The following UBXN4 variants were observed in gnomAD, a reference collection of about 807,000 sequenced individuals.
The protein encoded by UBXN4 is UBX domain protein 4.
UBXN4 carries 35 observed loss-of-function variants against 66.2 expected under a neutral mutation model. That is an observed-to-expected ratio of 0.53 (90% confidence interval 0.40 to 0.70). UBXN4 has a LOEUF of 0.70. Among genes scored for constraint, UBXN4 ranks in the 30% least tolerant of loss-of-function variants. The pLI is 0.00. For synonymous variants in UBXN4, 203 were observed against 204.5 expected (o/e 0.99, Z 0.06); for missense variants, 533 against 599.8 (o/e 0.89, Z 1.16).
At chr2:135,777,659 G>A (rs558682123) in intron 10 of UBXN4, among the ~76,000 whole-genome samples, 19 of 152,148 alleles carry the variant, frequency 1.2e-4, no homozygotes, top group African/African-American at 4.1e-4. Context: ...GGCCGAGGTG[G>A]GTGGATCACA....
At chr2:135,782,454 G>T (rs1393654189) in intron 12 of UBXN4, among the ~76,000 whole-genome samples, 1 of 152,182 alleles carries the variant, frequency 6.6e-6, no homozygotes, top group African/African-American at 2.4e-5. Context: ...AGATTAGTTG[G>T]CAAATGGTCA....
intron 2 of UBXN4, among the ~76,000 whole-genome samples, chr2:135,751,022 ATTT>A (rs34978778): frequency 8.0e-6 from 1 of 125,770 alleles, no homozygotes. Context: ...TGCCCGGCTA[ATTT>A]TTTTTTTTTT....
chr2:135,776,105 C>T lies in UBXN4; in HGVS notation c.951-144C>T, dbSNP rs554818601. On this transcript the variant is annotated intron_variant, in intron 9 of 12. Coordinates refer to ENST00000272638, the MANE Select transcript of UBXN4 (RefSeq NM_014607.4). ...ATTTTTTATATGAATCTCAGTAAAG[C>T]AGTTATTAACAAACAAAAAGATCTG... 2.6e-4 allele frequency: 158 copies of T among 612,466 alleles called. 1 individual carries two copies. In the South Asian group the frequency reaches 3.3e-3, roughly 13 times the overall value. The allele number at this position is 612,466 out of a possible 1,614,324, so 37.9% of individuals were successfully genotyped here. A position where few individuals can be genotyped will look rare whatever the true frequency, so the allele number is the denominator to read the frequency against.
intron 6 of UBXN4, among the ~76,000 whole-genome samples, chr2:135,765,176 G>C (rs2077339417): frequency 1.3e-5 from 2 of 151,656 alleles, no homozygotes; most frequent in South Asian, 2.1e-4. Context: ...CGAATCTTTA[G>C]TTAAAATGCA....
At chr2:135,743,602 CT>C (rs1187203258) in intron 1 of UBXN4, among the ~76,000 whole-genome samples, 1 of 152,024 alleles carries the variant, frequency 6.6e-6, no homozygotes. Context: ...AAAAAACTGG[CT>C]TTTTTGTTTC....
Position 135,770,645 on chromosome 2 carries a change from A to C in UBXN4, c.732A>C (p.Glu244Asp), listed in dbSNP as rs369013309. 17 of 1,574,742 alleles carry C rather than the reference A, an allele frequency of 1.1e-5. No homozygotes were observed. The highest frequency in any genetic ancestry group is 2.8e-5 in the African/African-American group (2 of 72,606). The change falls in exon 8 of 13, where the codon GAA becomes GAC. Residue 244 changes from glutamate (E) to aspartate (D), a missense_variant. This residue lies in a region of UBXN4 where 529 missense variants were observed against 580.1 expected (regional missense o/e 0.91). Coordinates refer to ENST00000272638, the MANE Select transcript of UBXN4 (RefSeq NM_014607.4). ...EMLDYKRKQE[E>D]ELTKRMLEER... ...TGGATTATAAAAGAAAACAAGAAGA[A>C]GAATTAACAAAAAGAATGCTGGAGG...
At chr2:135,748,929 G>C (rs975078988) in intron 2 of UBXN4, among the ~76,000 whole-genome samples, 3 of 151,910 alleles carry the variant, frequency 2.0e-5, no homozygotes, top group African/African-American at 4.8e-5. Flanking sequence ...CCAGCTACTC[G>C]GGGGGCTGAG....
Position 135,783,768 on chromosome 2 carries a change from C to T in UBXN4, c.*881C>T, listed in dbSNP as rs1318436832. The T allele has an allele frequency of 2.0e-5, 3 of 152,136 alleles. No homozygotes were observed. The highest frequency in any genetic ancestry group is 4.4e-5 in the Non-Finnish European group (3 of 68,030). 9.4% of individuals were successfully genotyped at this position (152,136 alleles called of 1,614,324 possible). ...AATAATTACACAAGGACCTAGAGTA[C>T]CTATAGGACAAAAAGTATAGAATAA... On this transcript the variant is annotated 3_prime_UTR_variant, in exon 13 of 13. Coordinates refer to ENST00000272638, the MANE Select transcript of UBXN4 (RefSeq NM_014607.4).
At chr2:135,755,712 T>C in intron 5 of UBXN4, 21 bp downstream of exon 5, 2 of 1,438,442 alleles carry the variant, frequency 1.4e-6, no homozygotes, top group Non-Finnish European at 9.2e-7. Flanking sequence ...ATGTACCTTT[T>C]TGAGTGCAAT....
rs2077474353 is a variant in UBXN4 at position 135,784,916 on chromosome 2, T to G, written c.*2029T>G. 1 of 152,616 alleles carries G rather than the reference T, an allele frequency of 6.6e-6. No individual in the cohort carries two copies. Among genetic ancestry groups the G allele is most frequent in the South Asian group, 2.1e-4 (1 of 4,836 alleles). 9.5% of individuals were successfully genotyped at this position (152,616 alleles called of 1,614,324 possible). A position where few individuals can be genotyped will look rare whatever the true frequency, so the allele number is the denominator to read the frequency against. ...GTATATAAGGCTGTAAAATGAGAAT[T>G]CTGCCCCCTCACCTCTTACCCCAGT... On this transcript the variant is annotated 3_prime_UTR_variant, in exon 13 of 13. Transcript: ENST00000272638.
chr2:135,742,127 G>A lies in UBXN4; in HGVS notation c.82+116G>A, dbSNP rs1228404632. ...CCGAGACGCGGGCTCCTGTCGGCTCGCACAATTGCCACTACTACCCCGCGC... is the reference window on the plus strand; with the variant it reads ...CCGAGACGCGGGCTCCTGTCGGCTCACACAATTGCCACTACTACCCCGCGC... On this transcript the variant is annotated intron_variant, in intron 1 of 12. Transcript: ENST00000272638. 12 of 1,251,886 alleles carry A rather than the reference G, an allele frequency of 9.6e-6. No individual in the cohort carries two copies. The East Asian group carries it at 2.4e-4, about 25-fold the overall frequency. 77.5% of individuals were successfully genotyped at this position (1,251,886 alleles called of 1,614,324 possible). A position where few individuals can be genotyped will look rare whatever the true frequency, so the allele number is the denominator to read the frequency against.
At chr2:135,764,397 A>AGAGAAT (rs1466138080) in intron 6 of UBXN4, among the ~76,000 whole-genome samples, 24 of 152,208 alleles carry the variant, frequency 1.6e-4, no homozygotes, top group Non-Finnish European at 3.4e-4. Context: ...TAGTCCTTCA[A>AGAGAAT]TCTTGAGCTG....
chr2:135,742,102 C>A, intron 1 of UBXN4, 91 bp downstream of exon 1: 1 of 1,441,526 alleles, frequency 6.9e-7, no homozygotes. Context: ...CCCGCCCTCC[C>A]CGAGACGCGG....
At position 135,769,833 on chromosome 2, in the gene UBXN4, A is replaced by G; in HGVS notation, c.657+10A>G. The G allele has an allele frequency of 1.3e-6, 2 of 1,596,108 alleles. No homozygotes were observed. The highest frequency in any genetic ancestry group is 1.1e-5 in the South Asian group (1 of 86,998). On this transcript the variant is annotated intron_variant, in intron 7 of 12. Coordinates refer to ENST00000272638, the MANE Select transcript of UBXN4 (RefSeq NM_014607.4). ...AAAAGAGGAAGAACAGGTAAAGTTC[A>G]TGCAGTTAGCATTGTTTTGTCCTCT... is the stretch of plus-strand genomic sequence containing the variant.
intron 1 of UBXN4, among the ~76,000 whole-genome samples, chr2:135,745,210 T>A (rs1282767437): frequency 6.6e-6 from 1 of 152,176 alleles, no homozygotes; most frequent in Admixed American, 6.5e-5. Context: ...CTTTGACTCT[T>A]AACTCTTCAG....
rs572987264 is a variant in UBXN4, at chr2:135,751,288, G to A, written c.186-2251G>A. On this transcript the variant is annotated intron_variant, in intron 2 of 12. Coordinates refer to ENST00000272638, the MANE Select transcript of UBXN4 (RefSeq NM_014607.4). ...TGCAAGCTCCGCCTCCCGGGCTCAC[G>A]GCATTCTCCTGCCTCAGCCTCCCAA... Among the ~76,000 whole-genome samples the A allele has an allele frequency of 2.6e-5, 4 of 151,754 alleles. No homozygotes were observed. The East Asian group carries it at 5.8e-4, about 22-fold the overall frequency.
chr2:135,743,809 C>T lies in UBXN4; in HGVS notation c.82+1798C>T, dbSNP rs555867787. Among the ~76,000 whole-genome samples the T allele has an allele frequency of 2.6e-5, 4 of 152,190 alleles. No individual in the cohort carries two copies. The East Asian group carries it at 7.7e-4, about 29-fold the overall frequency. On this transcript the variant is annotated intron_variant, in intron 1 of 12. Coordinates refer to ENST00000272638, the MANE Select transcript of UBXN4 (RefSeq NM_014607.4). ...ATATTAATATTTGGAAACTCTAGTA[C>T]AAATTATTGGAATAGTTAAATAAAG...
At position 135,782,135 on chromosome 2, in the gene UBXN4, A is replaced by C. The variant is rs538563502; in HGVS notation, c.1389-614A>C. Among the ~76,000 whole-genome samples, 10 of 152,324 alleles carry C rather than the reference A, an allele frequency of 6.6e-5. No individual in the cohort carries two copies. In the East Asian group the frequency reaches 1.3e-3, roughly 21 times the overall value. ...AGAGAAAGGTCTTAGATTAGAGCAAAGGATGGAATAAAAGGTGTGTCAAAG... is the reference window on the plus strand; with the variant it reads ...AGAGAAAGGTCTTAGATTAGAGCAACGGATGGAATAAAAGGTGTGTCAAAG... On this transcript the variant is annotated intron_variant, in intron 12 of 12. Coordinates refer to ENST00000272638, the MANE Select transcript of UBXN4 (RefSeq NM_014607.4).
intron 10 of UBXN4, among the ~76,000 whole-genome samples, chr2:135,776,967 G>A (rs2077419171): frequency 6.6e-6 from 1 of 152,188 alleles, no homozygotes; most frequent in African/African-American, 2.4e-5. Context: ...AAGGTCTGAT[G>A]TGAGGGAATT....
Sources: allele counts gnomAD v4.1 joint callset (sites outside exome capture counted in the v4.1 genomes callset), GRCh38; gene constraint gnomAD v4.1.1; regional missense constraint gnomAD v4.1.1; transcripts MANE v1.5; gene names NCBI Gene and HGNC (gene_info 2026-07-23, HGNC 2026-07-21).